PAK2: variants seen among roughly 807,000 people sequenced by gnomAD.
PAK2 encodes the protein serine/threonine-protein kinase PAK 2.
In PAK2, 21 loss-of-function variants were observed where a neutral mutation model predicts 65.9. The ratio of observed to expected loss-of-function variants is 0.32; its 90% CI spans 0.23 to 0.46. PAK2 has a LOEUF of 0.46. Among genes scored for constraint, PAK2 ranks in the 20% least tolerant of loss-of-function variants. The probability of loss-of-function intolerance (pLI) is 1.00; values close to 1 mark genes in which losing one functional copy is unlikely to be tolerated. For missense variants in PAK2, 324 were observed against 642.6 expected, an observed-to-expected ratio of 0.50 and a Z score of 5.36; for synonymous variants, 204 against 219.7, an observed-to-expected ratio of 0.93 and a Z score of 0.63.
chr3:196,751,663 T>TATATATATATATATATATATATATA lies in PAK2; in HGVS notation c.-22+11506_-22+11507insATATATATATATATATATATATATA, dbSNP rs1713589849. ...CTGTCCCCCCAAAAAACACACAAATTTATTTATATACATATATATATATAT... is the reference window on the plus strand; with the variant it reads ...CTGTCCCCCCAAAAAACACACAAATTATATATATATATATATATATATATATATTTATATACATATATATATATAT... On this transcript the variant is annotated intron_variant, in intron 1 of 14. Transcript: ENST00000327134. Among the ~76,000 whole-genome samples, 69 of 45,678 alleles carry TATATATATATATATATATATATATA rather than the reference T, an allele frequency of 1.5e-3. 6 individuals carry two copies. Among genetic ancestry groups the TATATATATATATATATATATATATA allele is most frequent in the East Asian group, 2.8e-3 (7 of 2,520 alleles). 30.0% of individuals were successfully genotyped at this position (45,678 alleles called of 152,430 possible).
At chr3:196,764,386 C>G (rs777898749) in intron 1 of PAK2, among the ~76,000 whole-genome samples, 1 of 151,928 alleles carries the variant, frequency 6.6e-6, no homozygotes, top group Non-Finnish European at 1.5e-5. Flanking sequence ...GAGACCAAGA[C>G]GGGCAGATCA....
intron 1 of PAK2, among the ~76,000 whole-genome samples, chr3:196,774,923 TA>T (rs1714487324): frequency 6.6e-6 from 1 of 152,244 alleles, no homozygotes; most frequent in African/African-American, 2.4e-5. Context: ...TAATAGAAAC[TA>T]CTTTTGCACC....
chr3:196,803,828 T>C (rs541676384), intron 4 of PAK2, among the ~76,000 whole-genome samples: 6 of 152,222 alleles, frequency 3.9e-5, no homozygotes, highest in Non-Finnish European at 7.3e-5. Flanking sequence ...ATCTGAGATA[T>C]ACCGTTAACC....
chr3:196,759,498 GTTTTTTTTTT>G (rs71301221), intron 1 of PAK2, among the ~76,000 whole-genome samples: 1,489 of 108,134 alleles, frequency 0.014, 43 homozygotes, highest in African/African-American at 0.049. Flanking sequence ...GGTTTTTTTT[GTTTTTTTTTT>G]TTTTTTTTTT....
At chr3:196,749,772 T>A (rs1713507570) in intron 1 of PAK2, among the ~76,000 whole-genome samples, 1 of 152,176 alleles carries the variant, frequency 6.6e-6, no homozygotes, top group Non-Finnish European at 1.5e-5. Flanking sequence ...GCATGTCATG[T>A]TATCATTGTT....
intron 3 of PAK2, among the ~76,000 whole-genome samples, 184 bp from the exon 4 acceptor site, chr3:196,802,833 G>A (rs975026372): frequency 6.6e-6 from 1 of 152,088 alleles, no homozygotes; most frequent in African/African-American, 2.4e-5. Flanking sequence ...GTGACAGAGT[G>A]AGACTCTGTC....
intron 1 of PAK2, among the ~76,000 whole-genome samples, chr3:196,764,392 G>T (rs1328743667): frequency 6.6e-6 from 1 of 152,022 alleles, no homozygotes; most frequent in African/African-American, 2.4e-5. Flanking sequence ...AAGACGGGCA[G>T]ATCACTTGAG....
In PAK2 at chr3:196,829,690, G is replaced by C. The variant is rs570304082; in HGVS notation, c.*1285G>C. 1 of 152,306 alleles carries C rather than the reference G, an allele frequency of 6.6e-6. No individual in the cohort carries two copies. The highest frequency in any genetic ancestry group is 2.1e-4 in the South Asian group (1 of 4,832). 9.4% of individuals were successfully genotyped at this position (152,306 alleles called of 1,614,324 possible). ...ATTATCTATGAGAACTTGAGCGACAGAGTATTTCTTGATGAATTTATAGAT... is the reference window on the plus strand; with the variant it reads ...ATTATCTATGAGAACTTGAGCGACACAGTATTTCTTGATGAATTTATAGAT... On this transcript the variant is annotated 3_prime_UTR_variant, in exon 15 of 15. Coordinates refer to ENST00000327134, the MANE Select transcript of PAK2 (RefSeq NM_002577.4).
intron 1 of PAK2, chr3:196,747,446 A>G (rs1431449577): frequency 6.6e-6 from 1 of 152,194 alleles, no homozygotes; most frequent in Non-Finnish European, 1.5e-5. Flanking sequence ...TATTTTCCAA[A>G]TAGCTGGTGG....
At chr3:196,767,096 A>G (rs1170907115) in intron 1 of PAK2, among the ~76,000 whole-genome samples, 1 of 151,792 alleles carries the variant, frequency 6.6e-6, no homozygotes, top group Non-Finnish European at 1.5e-5. Flanking sequence ...ATATGGAGCT[A>G]TTTTCTCATT....
At position 196,756,645 on chromosome 3, in the gene PAK2, G is replaced by T. The variant is rs147581226; in HGVS notation, c.-22+16488G>T. 3.3e-5 allele frequency among the ~76,000 whole-genome samples: 5 copies of T among 152,288 alleles called. No individual in the cohort carries two copies. The East Asian group carries it at 9.6e-4, about 29-fold the overall frequency. ...AAGGTCAGGAGTTCAAGACCAGCCTGCCCAATATGGTGAAACCTTGTCCGT... is the reference window on the plus strand; with the variant it reads ...AAGGTCAGGAGTTCAAGACCAGCCTTCCCAATATGGTGAAACCTTGTCCGT... On this transcript the variant is annotated intron_variant, in intron 1 of 14. Transcript: ENST00000327134.
At chr3:196,792,816 TAC>T (rs35943082) in intron 2 of PAK2, among the ~76,000 whole-genome samples, 6,894 of 151,314 alleles carry the variant, frequency 0.046, 201 homozygotes, top group African/African-American at 0.071. Context: ...TATATATATA[TAC>T]ACACACACAC....
At chr3:196,798,036 A>G (rs1413709141) in intron 2 of PAK2, among the ~76,000 whole-genome samples, 1 of 152,246 alleles carries the variant, frequency 6.6e-6, no homozygotes, top group East Asian at 1.9e-4. Flanking sequence ...TAGCTAAGCC[A>G]TCTTAATAAA....
intron 2 of PAK2, among the ~76,000 whole-genome samples, chr3:196,790,184 T>C (rs1715024280): frequency 6.6e-6 from 1 of 151,980 alleles, no homozygotes; most frequent in Non-Finnish European, 1.5e-5. Flanking sequence ...AGATAAAGGG[T>C]TTCTTTTATT....
chr3:196,817,157 T>A (rs1039731139), intron 11 of PAK2, among the ~76,000 whole-genome samples: 1 of 29,630 alleles, frequency 3.4e-5, no homozygotes, highest in East Asian at 4.1e-4. Flanking sequence ...AAAGAGGCAA[T>A]TTTTTTTTTT....
At chr3:196,774,238 A>G (rs1164978998) in intron 1 of PAK2, among the ~76,000 whole-genome samples, 1 of 152,246 alleles carries the variant, frequency 6.6e-6, no homozygotes, top group Non-Finnish European at 1.5e-5. Context: ...AAAGAGCCTG[A>G]GATTCAGAGT....
At position 196,791,716 on chromosome 3, in the gene PAK2, A is replaced by C. The variant is rs1260700963; in HGVS notation, c.187+8883A>C. ...GAGGCAGGTGGATCACGAGGTCAGG[A>C]GATCAAGACCATCCTGGCTAACAAG... is the stretch of plus-strand genomic sequence containing the variant. On this transcript the variant is annotated intron_variant, in intron 2 of 14. Transcript: ENST00000327134. This position sits in a 1 kb window ranked among gnomAD's most constrained non-coding sequence, Gnocchi z 4.0. 1.3e-5 allele frequency among the ~76,000 whole-genome samples: 2 copies of C among 151,944 alleles called. No homozygotes were observed. Among genetic ancestry groups the C allele is most frequent in the African/African-American group, 4.8e-5 (2 of 41,380 alleles).
At chr3:196,827,100 T>A (rs1711903724) in intron 13 of PAK2, 96 bp from the exon 14 acceptor site, 1 of 669,672 alleles carries the variant, frequency 1.5e-6, no homozygotes. Context: ...TATGGTGATT[T>A]TCTTTAAAGA....
chr3:196,774,103 C>A (rs1714462375), intron 1 of PAK2, among the ~76,000 whole-genome samples: 1 of 152,164 alleles, frequency 6.6e-6, no homozygotes, highest in Non-Finnish European at 1.5e-5. Context: ...TTGCCTAATA[C>A]ATGCACAGTA....
Sources: gnomAD v4.1 joint callset for allele counts (sites outside exome capture counted in the v4.1 genomes callset) on GRCh38, gnomAD v4.1.1 for gene constraint, Gnocchi (gnomAD v3.1) non-coding constraint, MANE v1.5 for transcripts, NCBI Gene and HGNC (gene_info 2026-07-23, HGNC 2026-07-21) for gene names.